The following TASP1 variants were observed in gnomAD, a reference collection of about 807,000 sequenced individuals.
The protein encoded by TASP1 is taspase 1.
In TASP1, 16 loss-of-function variants were observed where a neutral mutation model predicts 56.6. The observed-to-expected ratio is 0.28, with a 90% CI of 0.19 to 0.43. The LOEUF (loss-of-function observed/expected upper bound fraction) is 0.43. Ranked by LOEUF, TASP1 falls within the 20% of genes least tolerant of loss-of-function variation. The pLI, the probability that TASP1 is intolerant of heterozygous loss-of-function variation, is 1.00. For synonymous variants in TASP1, 179 were observed against 184.2 expected (o/e 0.97, Z 0.23); for missense variants, 393 against 511.6 (o/e 0.77, Z 2.24).
At chr20:13,184,253 A>G in the TASP1 span, among the ~76,000 whole-genome samples, 3 of 152,178 alleles carry the variant, frequency 2.0e-5, no homozygotes, top group Non-Finnish European at 2.9e-5. Flanking sequence ...AGAGAAGAAT[A>G]CAAATAAGCC....
At chr20:13,189,992 G>A in the TASP1 span, among the ~76,000 whole-genome samples, 2 of 152,122 alleles carry the variant, frequency 1.3e-5, no homozygotes, top group African/African-American at 4.8e-5. Flanking sequence ...AAAATTATGT[G>A]CTTTGCAACA....
chr20:13,615,416 T>G (rs2048486836), intron 4 of TASP1, among the ~76,000 whole-genome samples: 2 of 151,848 alleles, frequency 1.3e-5, no homozygotes, highest in African/African-American at 4.8e-5. Flanking sequence ...TGAGGTACAA[T>G]CCTTCATTAT....
chr20:13,589,628 C>G (rs1468278820), intron 4 of TASP1, among the ~76,000 whole-genome samples: 4 of 151,918 alleles, frequency 2.6e-5, no homozygotes, highest in Admixed American at 2.0e-4. Context: ...AAATTTAAAA[C>G]TTTTATTTCA....
chr20:13,164,609 C>T, the TASP1 span: 27 of 646,854 alleles, frequency 4.2e-5, no homozygotes, highest in East Asian at 2.2e-4. Flanking sequence ...CCTAATGGTA[C>T]GGATCTTGCT....
At chr20:13,494,129 T>C (rs2043637809) in intron 10 of TASP1, among the ~76,000 whole-genome samples, 1 of 152,212 alleles carries the variant, frequency 6.6e-6, no homozygotes, top group East Asian at 1.9e-4. Context: ...GTTTGTAATG[T>C]TCAGTTGATG....
At chr20:13,292,414 T>A in the TASP1 span, 3 of 1,607,326 alleles carry the variant, frequency 1.9e-6, no homozygotes, top group Non-Finnish European at 2.5e-6. Context: ...CCGAAGTGAG[T>A]CTGCTTGCGG....
At chr20:13,511,594 C>T (rs562838822) in intron 10 of TASP1, among the ~76,000 whole-genome samples, 6 of 151,750 alleles carry the variant, frequency 4.0e-5, no homozygotes, top group South Asian at 2.1e-4. Context: ...CCTGAAGTTC[C>T]GGGTTTTTTT....
intron 8 of TASP1, among the ~76,000 whole-genome samples, chr20:13,548,809 T>C (rs775349436): frequency 7.9e-5 from 12 of 152,154 alleles, no homozygotes; most frequent in Non-Finnish European, 1.6e-4. Context: ...CTGTGACATA[T>C]TAGGAAGAAC....
At chr20:13,245,689 T>A in the TASP1 span, among the ~76,000 whole-genome samples, 5 of 152,356 alleles carry the variant, frequency 3.3e-5, no homozygotes, top group African/African-American at 1.2e-4. Context: ...TTCCTTCATT[T>A]TATTTCATTT....
chr20:13,629,939 T>G lies in TASP1; in HGVS notation c.140A>C (p.His47Pro). ...AAGCCATCCACAAAGCTTACCTGCA[T>G]GCACCAACACAAAGCCTCCTCGTTT... Reference protein sequence around the residue: ...KEKRGGFVLVHAGAGYHSESK... With the variant: ...KEKRGGFVLVPAGAGYHSESK... The change falls in exon 2 of 14, where the codon CAT becomes CCT. Residue 47 changes from histidine (H) to proline (P), a missense_variant. By Grantham distance (77) the His-to-Pro change is moderately conservative (BLOSUM62 -2). This residue lies in a region of TASP1 where 48 missense variants were observed against 106.2 expected (regional missense o/e 0.45). Coordinates refer to ENST00000337743, the MANE Select transcript of TASP1 (RefSeq NM_017714.3). 1 of 1,613,508 alleles carries G rather than the reference T, an allele frequency of 6.2e-7. No homozygotes were observed. The highest frequency in any genetic ancestry group is 8.5e-7 in the Non-Finnish European group (1 of 1,179,804).
chr20:13,637,663 T>A (rs1456104068), intron 1 of TASP1, among the ~76,000 whole-genome samples: 19 of 152,174 alleles, frequency 1.2e-4, no homozygotes, highest in Non-Finnish European at 1.8e-4. Context: ...TCCATTTATA[T>A]GAAATGCCAG....
rs143643036 is a variant in TASP1, at chr20:13,464,072, CA to C, written c.985+19154del. ...CCCATATTAATTGCAGCATTATTCACAACAGCCAAAGGTGTTATTCACAACG... is the reference window on the plus strand; with the variant it reads ...CCCATATTAATTGCAGCATTATTCACACAGCCAAAGGTGTTATTCACAACG... On this transcript the variant is annotated intron_variant, in intron 11 of 13. Transcript: ENST00000337743. Among the ~76,000 whole-genome samples the C allele has an allele frequency of 3.8e-4, 58 of 152,298 alleles. 1 individual carries two copies. In the East Asian group the frequency reaches 0.01, roughly 27 times the overall value.
intron 4 of TASP1, among the ~76,000 whole-genome samples, chr20:13,602,373 C>A (rs533778975): frequency 1.3e-3 from 191 of 152,104 alleles, no homozygotes; most frequent in African/African-American, 4.5e-3. Context: ...CTGGATGGAA[C>A]CCTGGAAGAG....
chr20:13,262,452 T>G, the TASP1 span, among the ~76,000 whole-genome samples: 2 of 152,092 alleles, frequency 1.3e-5, no homozygotes, highest in Admixed American at 1.3e-4. Context: ...GTGAAGGGTT[T>G]GTTTTTCTTT....
chr20:13,132,141 T>G, the TASP1 span, among the ~76,000 whole-genome samples: 1 of 151,510 alleles, frequency 6.6e-6, no homozygotes, highest in Admixed American at 6.6e-5. Flanking sequence ...CAAATCCTCC[T>G]GTCCCTCTAA....
the TASP1 span, among the ~76,000 whole-genome samples, chr20:13,288,049 ACAGGTCTAG>A: frequency 6.6e-6 from 1 of 152,180 alleles, no homozygotes; most frequent in African/African-American, 2.4e-5. Flanking sequence ...CCCATAATTC[ACAGGTCTAG>A]CATGGACATC....
chr20:13,636,628 C>T (rs1568680659), intron 1 of TASP1, among the ~76,000 whole-genome samples: 1 of 152,126 alleles, frequency 6.6e-6, no homozygotes, highest in Non-Finnish European at 1.5e-5. Flanking sequence ...CCATGTTTAA[C>T]ACAGGATAAT....
At chr20:13,592,503 A>T (rs2047571972) in intron 4 of TASP1, among the ~76,000 whole-genome samples, 1 of 152,184 alleles carries the variant, frequency 6.6e-6, no homozygotes, top group Non-Finnish European at 1.5e-5. Flanking sequence ...AAGAGCATAG[A>T]CAGCTAAAAG....
chr20:13,108,291 CT>C, the TASP1 span, among the ~76,000 whole-genome samples: 1 of 152,230 alleles, frequency 6.6e-6, no homozygotes, highest in Non-Finnish European at 1.5e-5. Context: ...ATTCACAACT[CT>C]ATTTCAAAGA....
Sources: allele counts gnomAD v4.1 joint callset (sites outside exome capture counted in the v4.1 genomes callset), GRCh38; gene constraint gnomAD v4.1.1; regional missense constraint gnomAD v4.1.1; transcripts MANE v1.5; gene names NCBI Gene and HGNC (gene_info 2026-07-23, HGNC 2026-07-21).